Variants in METTL25 observed in about 807,000 individuals in gnomAD.
METTL25 encodes the protein probable methyltransferase-like protein 25.
Under a neutral mutation model 71.6 loss-of-function variants are expected in METTL25, and 64 were observed. The ratio of observed to expected loss-of-function variants is 0.89; its 90% CI spans 0.73 to 1.10. The LOEUF is 1.10. METTL25 is among the 50% of genes least tolerant of loss of function. METTL25 has a pLI of 0.00. For synonymous variants in METTL25, 287 were observed against 250.3 expected, an observed-to-expected ratio of 1.15 and a Z score of -1.38; for missense variants, 807 against 707.0, an observed-to-expected ratio of 1.14 and a Z score of -1.60.
intron 2 of METTL25, among the ~76,000 whole-genome samples, chr12:82,388,336 T>A (rs901583015): frequency 1.3e-5 from 2 of 152,076 alleles, no homozygotes; most frequent in Admixed American, 1.3e-4. Context: ...TCTCTAACCA[T>A]TTTAAGCAAA....
chr12:82,420,277 G>A (rs1888363533), intron 5 of METTL25, among the ~76,000 whole-genome samples: 1 of 151,894 alleles, frequency 6.6e-6, no homozygotes, highest in Non-Finnish European at 1.5e-5. Flanking sequence ...ATAATACAGG[G>A]GCTATGATTC....
At chr12:82,387,731 A>ACACACT (rs1328381906) in intron 2 of METTL25, among the ~76,000 whole-genome samples, 1 of 150,056 alleles carries the variant, frequency 6.7e-6, no homozygotes, top group African/African-American at 2.5e-5. Flanking sequence ...ACACACACAC[A>ACACACT]CTCTTTTTCT....
chr12:82,398,733 A>G, intron 3 of METTL25, 62 bp from the exon 4 acceptor site: 2 of 1,153,270 alleles, frequency 1.7e-6, no homozygotes, highest in East Asian at 2.7e-5. Context: ...CAAAAAATCT[A>G]GAATGCTTTC....
At chr12:82,441,785 G>C (rs1169914437) in intron 8 of METTL25, among the ~76,000 whole-genome samples, 1 of 76,298 alleles carries the variant, frequency 1.3e-5, no homozygotes, top group African/African-American at 5.9e-5. Context: ...CCATACTATA[G>C]CAAAAAAAAA....
rs994832783 is a variant in METTL25, at chr12:82,460,772, A to G, written c.1572+3952A>G. The stretch of plus-strand genomic sequence containing the variant: ...TCTAGACTGGAAAAGGACATTAAAT[A>G]AAAACTAAAGAAATTTGAATATAAT... On this transcript the variant is annotated intron_variant, in intron 9 of 11. Transcript: ENST00000248306. Among the ~76,000 whole-genome samples, 4 of 152,248 alleles carry G rather than the reference A, an allele frequency of 2.6e-5. No individual in the cohort carries two copies. The South Asian group carries it at 8.3e-4, about 32-fold the overall frequency.
rs187542027 is a variant in METTL25 at position 82,379,143 on chromosome 12, G to C, written c.260-7660G>C. Among the ~76,000 whole-genome samples, 7 of 152,304 alleles carry C rather than the reference G, an allele frequency of 4.6e-5. 1 individual carries two copies. In the East Asian group the frequency reaches 1.2e-3, roughly 25 times the overall value. On this transcript the variant is annotated intron_variant, in intron 1 of 11. Coordinates refer to ENST00000248306, the MANE Select transcript of METTL25 (RefSeq NM_032230.3). The stretch of plus-strand genomic sequence containing the variant: ...ATAAAGAGAGATATTGGTCTTCTCA[G>C]TAAATGGACAGTAGCAGTGGCAGTG...
At chr12:82,422,300 A>G (rs1205610107) in intron 5 of METTL25, among the ~76,000 whole-genome samples, 18 of 152,210 alleles carry the variant, frequency 1.2e-4, no homozygotes. Context: ...CAAAAACCAC[A>G]TGATTATCTC....
intron 1 of METTL25, among the ~76,000 whole-genome samples, chr12:82,373,051 C>T (rs547720019): frequency 2.2e-4 from 34 of 152,296 alleles, no homozygotes; most frequent in Admixed American, 6.5e-4. Flanking sequence ...TGCGTGTCCT[C>T]CTAGACCACA....
At chr12:82,446,028 G>A (rs778013001) in intron 8 of METTL25, among the ~76,000 whole-genome samples, 1 of 151,954 alleles carries the variant, frequency 6.6e-6, no homozygotes, top group African/African-American at 2.4e-5. Flanking sequence ...GTTGTTTAAG[G>A]GTCAGCTATA....
intron 6 of METTL25, 127 bp from the exon 7 acceptor site, chr12:82,434,568 A>C (rs1480838773): frequency 8.0e-6 from 6 of 747,026 alleles, no homozygotes; most frequent in Non-Finnish European, 9.3e-6. Flanking sequence ...TGTTAAGTGC[A>C]TAAACTTACA....
At chr12:82,368,479 T>C (rs1882825022) in intron 1 of METTL25, among the ~76,000 whole-genome samples, 1 of 152,144 alleles carries the variant, frequency 6.6e-6, no homozygotes, top group Non-Finnish European at 1.5e-5. Flanking sequence ...GGGGGATATA[T>C]CCGTTTCCTC....
chr12:82,368,458 A>G (rs1238399093), intron 1 of METTL25, among the ~76,000 whole-genome samples: 2 of 152,198 alleles, frequency 1.3e-5, no homozygotes, highest in Admixed American at 1.3e-4. Context: ...TGTGGCAGAC[A>G]GCTTTCTTTT....
In METTL25 at chr12:82,389,874, A is replaced by G. The variant is rs1294402936; in HGVS notation, c.483A>G (p.Ala161=). The G allele has an allele frequency of 8.7e-6, 14 of 1,604,898 alleles. No homozygotes were observed. The highest frequency in any genetic ancestry group is 6.7e-5 in the Admixed American group (4 of 59,422). The part of the protein sequence containing the change: ...MNMKKSHEVQ[A]MSELISSIAD... ...TGAAGAAATCTCATGAAGTTCAGGCAATGTCAGAGCTGATCAGCAGTATTG... is the reference window on the plus strand; with the variant it reads ...TGAAGAAATCTCATGAAGTTCAGGCGATGTCAGAGCTGATCAGCAGTATTG... Residue 161 remains alanine (A), a synonymous_variant, in exon 3 of 12, where the codon GCA becomes GCG. Coordinates refer to ENST00000248306, the MANE Select transcript of METTL25 (RefSeq NM_032230.3).
intron 5 of METTL25, among the ~76,000 whole-genome samples, chr12:82,419,469 A>T (rs1218576890): frequency 6.6e-6 from 1 of 152,146 alleles, no homozygotes; most frequent in Non-Finnish European, 1.5e-5. Context: ...GTCTGAAGTC[A>T]TGAAGTATCT....
At chr12:82,369,064 G>GT (rs1416271914) in intron 1 of METTL25, among the ~76,000 whole-genome samples, 2 of 152,150 alleles carry the variant, frequency 1.3e-5, no homozygotes, top group Admixed American at 6.5e-5. Flanking sequence ...TGTACCATGT[G>GT]TTTTTTCTCT....
chr12:82,360,308 G>A (rs540207328), intron 1 of METTL25, among the ~76,000 whole-genome samples: 62 of 152,148 alleles, frequency 4.1e-4, no homozygotes, highest in Non-Finnish European at 7.5e-4. Context: ...GTGTCTTCAT[G>A]TGTATTTTCT....
intron 5 of METTL25, among the ~76,000 whole-genome samples, chr12:82,413,317 T>C (rs932247090): frequency 1.3e-5 from 2 of 152,006 alleles, no homozygotes; most frequent in Non-Finnish European, 2.9e-5. Flanking sequence ...GCAAACTAAG[T>C]ATGCACCCAC....
intron 1 of METTL25, among the ~76,000 whole-genome samples, chr12:82,381,775 G>GT (rs1396834406): frequency 6.6e-6 from 1 of 152,220 alleles, no homozygotes; most frequent in Non-Finnish European, 1.5e-5. Flanking sequence ...GCCTTAAAAT[G>GT]TTTAAGTTTG....
At chr12:82,385,611 A>T (rs1884915380) in intron 1 of METTL25, among the ~76,000 whole-genome samples, 1 of 152,168 alleles carries the variant, frequency 6.6e-6, no homozygotes, top group South Asian at 2.1e-4. Context: ...CTTTTAAATA[A>T]ATTAACTTGC....
Sources: allele counts gnomAD v4.1 joint callset (sites outside exome capture counted in the v4.1 genomes callset), GRCh38; gene constraint gnomAD v4.1.1; transcripts MANE v1.5; gene names NCBI Gene and HGNC (gene_info 2026-07-23, HGNC 2026-07-21).